Variants in FSIP2 observed in about 807,000 individuals in gnomAD.
The protein encoded by FSIP2 is fibrous sheath interacting protein 2.
In FSIP2, 367 loss-of-function variants were observed where a neutral mutation model predicts 510.5. The observed-to-expected ratio is 0.72, with a 90% confidence interval of 0.66 to 0.78. The LOEUF is 0.78. FSIP2 is among the 30% of genes least tolerant of loss of function. The pLI is 0.00. For missense variants in FSIP2, 7,594 were observed against 7,901.7 expected (o/e 0.96, Z 1.48); for synonymous variants, 2,601 against 2,732.2 (o/e 0.95, Z 1.50).
intron 1 of FSIP2, 114 bp from the exon 2 acceptor site, chr2:185,739,232 G>T: frequency 7.9e-7 from 1 of 1,259,322 alleles, no homozygotes. Flanking sequence ...AGGATGCCCC[G>T]AACCCTGATT....
At position 185,804,899 on chromosome 2, in the gene FSIP2, T is replaced by C. The variant is rs1307002026; in HGVS notation, c.15593T>C (p.Ile5198Thr). ...TTGGTCGACTCCATATGTAATAATATTTTGAAAACATCTGAATTCCAAGCT... is the reference window on the plus strand; with the variant it reads ...TTGGTCGACTCCATATGTAATAATACTTTGAAAACATCTGAATTCCAAGCT... The part of the protein sequence containing the change: ...ENLVDSICNN[I>T]LKTSEFQAEV... Residue 5198 changes from isoleucine to threonine, a missense_variant, in exon 17 of 23, where the codon ATT becomes ACT. Coordinates refer to ENST00000424728, the MANE Select transcript of FSIP2 (RefSeq NM_173651.4). The C allele has an allele frequency of 6.6e-7, 1 of 1,524,488 alleles. No individual in the cohort carries two copies. The highest frequency in any genetic ancestry group is 1.4e-5 in the African/African-American group (1 of 72,062). 94.4% of individuals were successfully genotyped at this position (1,524,488 alleles called of 1,614,324 possible). A position where few individuals can be genotyped will look rare whatever the true frequency, so the allele number is the denominator to read the frequency against.
Position 185,793,508 on chromosome 2 carries a change from T to C in FSIP2, c.6372T>C (p.Asp2124=), listed in dbSNP as rs879140542. The C allele has an allele frequency of 3.9e-6, 6 of 1,534,328 alleles. No individual in the cohort carries two copies. The highest frequency in any genetic ancestry group is 3.6e-5 in the South Asian group (3 of 84,036). ...ATPTLKCSIA[D]KHSEENSEMF... is the part of the protein sequence containing the mutation. ...CCACTCTGAAATGTAGCATAGCTGA[T>C]AAACATTCAGAAGAAAATTCTGAAA... is the stretch of plus-strand genomic sequence containing the variant. The change falls in exon 16 of 23, where the codon GAT becomes GAC. Residue 2124 remains aspartate (D), a synonymous_variant. Transcript: ENST00000424728.
chr2:185,780,422 T>A (rs1021110387), intron 13 of FSIP2, among the ~76,000 whole-genome samples: 1 of 151,692 alleles, frequency 6.6e-6, no homozygotes, highest in Non-Finnish European at 1.5e-5. Flanking sequence ...ATTTAGTTTT[T>A]CTATATAGTT....
In FSIP2 at chr2:185,806,049, G is replaced by A. The variant is rs2105650566; in HGVS notation, c.16743G>A (p.Glu5581=). 3.9e-6 allele frequency: 6 copies of A among 1,550,632 alleles called. No individual in the cohort carries two copies. Among genetic ancestry groups the A allele is most frequent in the South Asian group, 1.2e-5 (1 of 83,650 alleles). The change falls in exon 17 of 23, where the codon GAG becomes GAA. Residue 5581 remains glutamate, a synonymous_variant. Coordinates refer to ENST00000424728, the MANE Select transcript of FSIP2 (RefSeq NM_173651.4). ...IPTDKKGKDD[E]IYTHFSLIID... Reference sequence around the variant, plus strand: ...CAGATAAAAAAGGGAAAGATGATGAGATATACACACATTTTTCATTAATAA... The same window carrying A: ...CAGATAAAAAAGGGAAAGATGATGAAATATACACACATTTTTCATTAATAA...
At chr2:185,809,930 C>T (rs188647130) in intron 17 of FSIP2, among the ~76,000 whole-genome samples, 5 of 152,148 alleles carry the variant, frequency 3.3e-5, no homozygotes, top group South Asian at 4.1e-4. Flanking sequence ...AGATTTGTCT[C>T]GCCAACAGAT....
rs1693610311 is a variant in FSIP2 at position 185,807,404 on chromosome 2, C to G, written c.18098C>G (p.Thr6033Arg). The part of the protein sequence containing the change: ...KIFSTISSTK[T>R]KEPEDNLSTE... Reference sequence around the variant, plus strand: ...TTCTCAACAATATCCAGCACAAAAACAAAAGAACCTGAGGACAATTTGTCC... The same window carrying G: ...TTCTCAACAATATCCAGCACAAAAAGAAAAGAACCTGAGGACAATTTGTCC... The change falls in exon 17 of 23, where the codon ACA becomes AGA. Residue 6033 changes from threonine to arginine, a missense_variant. By Grantham distance (71) the Thr-to-Arg change is moderately conservative. Coordinates refer to ENST00000424728, the MANE Select transcript of FSIP2 (RefSeq NM_173651.4). 14 of 1,608,366 alleles carry G rather than the reference C, an allele frequency of 8.7e-6. No individual in the cohort carries two copies. The highest frequency in any genetic ancestry group is 1.1e-5 in the Non-Finnish European group (13 of 1,178,394).
In FSIP2 at chr2:185,803,016, C is replaced by T; in HGVS notation, c.13710C>T (p.Asp4570=). The change falls in exon 17 of 23, where the codon GAC becomes GAT. Residue 4570 remains aspartate (D), a synonymous_variant. Coordinates refer to ENST00000424728, the MANE Select transcript of FSIP2 (RefSeq NM_173651.4). ...SAVQNITSSN[D]ILIDRIAGFI... is the part of the protein sequence containing the mutation. ...TGCAAAATATCACAAGCAGTAATGA[C>T]ATTCTTATAGATAGAATAGCAGGTT... 2 of 1,529,910 alleles carry T rather than the reference C, an allele frequency of 1.3e-6. No individual in the cohort carries two copies. The highest frequency in any genetic ancestry group is 1.7e-4 in the Middle Eastern group (1 of 5,942). 94.8% of individuals were successfully genotyped at this position (1,529,910 alleles called of 1,614,324 possible).
chr2:185,799,818 G>A lies in FSIP2; in HGVS notation c.10512G>A (p.Glu3504=), dbSNP rs2105635482. The change falls in exon 17 of 23, where the codon GAG becomes GAA. Residue 3504 remains glutamate (E), a synonymous_variant. Transcript: ENST00000424728. ...ATCAATGTTGTGAACATCTCACTGA[G>A]TCAGTACTTTACCATTTAACTTCGA... ...SIYQCCEHLT[E]SVLYHLTSSI... The A allele has an allele frequency of 1.3e-6, 2 of 1,532,002 alleles. No homozygotes were observed. Among genetic ancestry groups the A allele is most frequent in the Non-Finnish European group, 1.7e-6 (2 of 1,144,106 alleles). The allele number at this position is 1,532,002 out of a possible 1,614,324, so 94.9% of individuals were successfully genotyped here. A position where few individuals can be genotyped will look rare whatever the true frequency, so the allele number is the denominator to read the frequency against.
rs1693384865 is a variant in FSIP2 at position 185,799,881 on chromosome 2, G to C, written c.10575G>C (p.Glu3525Asp). Residue 3525 changes from glutamate to aspartate, a missense_variant, in exon 17 of 23, where the codon GAG becomes GAC. Physicochemically the swap from Glu to Asp is conservative, Grantham distance 45. Coordinates refer to ENST00000424728, the MANE Select transcript of FSIP2 (RefSeq NM_173651.4). ...SDGTKKGREK[E>D]KAWEIQEATF... ...GCACCAAAAAGGGTAGAGAAAAAGA[G>C]AAAGCATGGGAAATTCAAGAAGCAA... 1 of 1,533,536 alleles carries C rather than the reference G, an allele frequency of 6.5e-7. No individual in the cohort carries two copies. The highest frequency in any genetic ancestry group is 8.7e-7 in the Non-Finnish European group (1 of 1,145,384). 95.0% of individuals were successfully genotyped at this position (1,533,536 alleles called of 1,614,324 possible).
Position 185,804,837 on chromosome 2 carries a change from T to C in FSIP2, c.15531T>C (p.Asp5177=), listed in dbSNP as rs750198095. ...EHEIRLSMAE[D]NAESMQLEPI... The stretch of plus-strand genomic sequence containing the variant: ...AGATTCGACTTTCCATGGCAGAGGA[T>C]AATGCAGAAAGTATGCAGTTAGAAC... The change falls in exon 17 of 23, where the codon GAT becomes GAC. Residue 5177 remains aspartate, a synonymous_variant. Transcript: ENST00000424728. 274 of 1,531,766 alleles carry C rather than the reference T, an allele frequency of 1.8e-4. No individual in the cohort carries two copies. The highest frequency in any genetic ancestry group is 2.1e-4 in the Non-Finnish European group (238 of 1,144,584). 94.9% of individuals were successfully genotyped at this position (1,531,766 alleles called of 1,614,324 possible). A position where few individuals can be genotyped will look rare whatever the true frequency, so the allele number is the denominator to read the frequency against.
At chr2:185,830,408 T>G (rs560016662) in intron 21 of FSIP2, among the ~76,000 whole-genome samples, 70 of 151,958 alleles carry the variant, frequency 4.6e-4, no homozygotes, top group African/African-American at 1.6e-3. Flanking sequence ...CAGATACATG[T>G]TTTCACATAA....
In FSIP2 at chr2:185,739,232, G is replaced by C. The variant is rs144597549; in HGVS notation, c.100-114G>C. On this transcript the variant is annotated intron_variant, in intron 1 of 22. Coordinates refer to ENST00000424728, the MANE Select transcript of FSIP2 (RefSeq NM_173651.4). ...AAACGGGAGGACTTCAGGATGCCCC[G>C]AACCCTGATTGTATAATTCTTCGGA... The C allele has an allele frequency of 5.0e-4, 635 of 1,259,322 alleles. 3 individuals are homozygous for C. The African/African-American group carries it at 9.0e-3, about 18-fold the overall frequency. 78.0% of individuals were successfully genotyped at this position (1,259,322 alleles called of 1,614,324 possible).
intron 20 of FSIP2, among the ~76,000 whole-genome samples, chr2:185,826,798 C>A (rs1259723960): frequency 6.6e-6 from 1 of 151,694 alleles, no homozygotes; most frequent in Non-Finnish European, 1.5e-5. Context: ...CACAAGAATT[C>A]TTTTTTGGTT....
chr2:185,808,962 G>A lies in FSIP2; in HGVS notation c.19656G>A (p.Glu6552=), dbSNP rs754227073. The A allele has an allele frequency of 1.5e-5, 24 of 1,609,876 alleles. No homozygotes were observed. The African/African-American group carries it at 2.8e-4, about 19-fold the overall frequency. The change falls in exon 17 of 23, where the codon GAG becomes GAA. Residue 6552 remains glutamate, a synonymous_variant. Coordinates refer to ENST00000424728, the MANE Select transcript of FSIP2 (RefSeq NM_173651.4). ...TTTCTATAAAAACTCAACCTCTTGA[G>A]AAACTTAAGCAGGAGTGTTTGAAAA... is the stretch of plus-strand genomic sequence containing the variant. The part of the protein sequence containing the change: ...AVISIKTQPL[E]KLKQECLKRT...
chr2:185,801,834 A>G lies in FSIP2; in HGVS notation c.12528A>G (p.Glu4176=), dbSNP rs1693444064. ...ATTTAATGAGTTCTGATTTTAATGA[A>G]ATGTCCACTTGTATAATAAATAAGG... ...KKYLMSSDFN[E]MSTCIINKVM... Residue 4176 remains glutamate (E), a synonymous_variant, in exon 17 of 23, where the codon GAA becomes GAG. Coordinates refer to ENST00000424728, the MANE Select transcript of FSIP2 (RefSeq NM_173651.4). The G allele has an allele frequency of 6.7e-7, 1 of 1,486,304 alleles. No homozygotes were observed. The highest frequency in any genetic ancestry group is 8.9e-7 in the Non-Finnish European group (1 of 1,121,904). 92.1% of individuals were successfully genotyped at this position (1,486,304 alleles called of 1,614,324 possible). A position where few individuals can be genotyped will look rare whatever the true frequency, so the allele number is the denominator to read the frequency against.
At position 185,802,702 on chromosome 2, in the gene FSIP2, T is replaced by C. The variant is rs926498487; in HGVS notation, c.13396T>C (p.Tyr4466His). 7.9e-6 allele frequency: 12 copies of C among 1,526,082 alleles called. No homozygotes were observed. In the Admixed American group the frequency reaches 1.2e-4, roughly 16 times the overall value. 94.5% of individuals were successfully genotyped at this position (1,526,082 alleles called of 1,614,324 possible). A position where few individuals can be genotyped will look rare whatever the true frequency, so the allele number is the denominator to read the frequency against. The change falls in exon 17 of 23, where the codon TAC becomes CAC. Residue 4466 changes from tyrosine to histidine, a missense_variant. Physicochemically the swap from Tyr to His is moderately conservative, Grantham distance 83. Transcript: ENST00000424728. ...SVPLYNTLLPYTFLEDMIRVL... is the reference protein window; with the variant it reads ...SVPLYNTLLPHTFLEDMIRVL... ...ACCTCTATATAACACCTTGCTGCCA[T>C]ACACATTTTTAGAAGATATGATCAG... is the stretch of plus-strand genomic sequence containing the variant.
Position 185,743,124 on chromosome 2 carries a change from T to A in FSIP2, c.226-9T>A. 6.9e-7 allele frequency: 1 copy of A among 1,452,908 alleles called. No individual in the cohort carries two copies. Among genetic ancestry groups the A allele is most frequent in the Non-Finnish European group, 9.0e-7 (1 of 1,109,320 alleles). The allele number at this position is 1,452,908 out of a possible 1,614,324, so 90.0% of individuals were successfully genotyped here. Reference sequence around the variant, plus strand: ...TTAATTTTACATATTTTTGAATCTGTGTTTGCAGCTTTTTCGACCTTCTTA... The same window carrying A: ...TTAATTTTACATATTTTTGAATCTGAGTTTGCAGCTTTTTCGACCTTCTTA... On this transcript the variant is annotated splice_polypyrimidine_tract_variant and intron_variant, in intron 2 of 22. Transcript: ENST00000424728.
In FSIP2 at chr2:185,805,473, A is replaced by T. The variant is rs759440952; in HGVS notation, c.16167A>T (p.Ile5389=). Residue 5389 remains isoleucine, a synonymous_variant, in exon 17 of 23, where the codon ATA becomes ATT. Coordinates refer to ENST00000424728, the MANE Select transcript of FSIP2 (RefSeq NM_173651.4). ...GMIAALTQKA[I]SAFRIQPLFS... ...TTGCTGCTCTAACCCAGAAGGCAAT[A>T]TCTGCATTCAGGATTCAACCACTTT... 7 of 1,611,362 alleles carry T rather than the reference A, an allele frequency of 4.3e-6. No individual in the cohort carries two copies. The African/African-American group carries it at 8.0e-5, about 18-fold the overall frequency.
In FSIP2 at chr2:185,801,147, G is replaced by A. The variant is rs1189744453; in HGVS notation, c.11841G>A (p.Gln3947=). ...KSSSVSPFER[Q]RTKEMDKVAI... ...CTTCTGTGTCACCTTTTGAAAGACAGAGAACAAAGGAAATGGATAAGGTAG... is the reference window on the plus strand; with the variant it reads ...CTTCTGTGTCACCTTTTGAAAGACAAAGAACAAAGGAAATGGATAAGGTAG... The change falls in exon 17 of 23, where the codon CAG becomes CAA. Residue 3947 remains glutamine, a synonymous_variant. Transcript: ENST00000424728. 2 of 1,533,810 alleles carry A rather than the reference G, an allele frequency of 1.3e-6. No homozygotes were observed. Among genetic ancestry groups the A allele is most frequent in the Admixed American group, 3.9e-5 (2 of 50,818 alleles).
Sources: gnomAD v4.1 joint callset for allele counts (sites outside exome capture counted in the v4.1 genomes callset) on GRCh38, gnomAD v4.1.1 for gene constraint, MANE v1.5 for transcripts, NCBI Gene and HGNC (gene_info 2026-07-23, HGNC 2026-07-21) for gene names.